DNM3: variants seen among roughly 807,000 people sequenced by gnomAD.
DNM3 encodes dynamin-3.
A neutral mutation model predicts 101.6 loss-of-function variants in DNM3; 47 were observed. The ratio of observed to expected loss-of-function variants is 0.46; its 90% CI spans 0.37 to 0.59. The LOEUF (loss-of-function observed/expected upper bound fraction) is 0.59. Ranked by LOEUF, DNM3 falls within the 20% of genes least tolerant of loss-of-function variation. The pLI, the probability that DNM3 is intolerant of heterozygous loss-of-function variation, is 0.00. For missense variants in DNM3, 849 were observed against 1,085.7 expected, an observed-to-expected ratio of 0.78 and a Z score of 3.06; for synonymous variants, 385 against 387.9, an observed-to-expected ratio of 0.99 and a Z score of 0.09.
rs530200508 is a variant in DNM3, at chr1:172,016,306, T to A, written c.590-16096T>A. On this transcript the variant is annotated intron_variant, in intron 4 of 20. Transcript: ENST00000627582. ...TTCTAGTTTGCTGAGATTTAAAAAATTATGAATTGGTATTGAATTTTGTCA... is the reference window on the plus strand; with the variant it reads ...TTCTAGTTTGCTGAGATTTAAAAAAATATGAATTGGTATTGAATTTTGTCA... Among the ~76,000 whole-genome samples the A allele has an allele frequency of 2.6e-5, 4 of 152,296 alleles. No individual in the cohort carries two copies. The South Asian group carries it at 6.2e-4, about 24-fold the overall frequency.
intron 16 of DNM3, among the ~76,000 whole-genome samples, chr1:172,321,684 A>C (rs2065725772): frequency 6.6e-6 from 1 of 152,166 alleles, no homozygotes; most frequent in African/African-American, 2.4e-5. Flanking sequence ...TCGAGTGGGG[A>C]AGCCAGTCAT....
intron 15 of DNM3, among the ~76,000 whole-genome samples, chr1:172,307,837 A>C (rs2064904191): frequency 6.6e-6 from 1 of 151,962 alleles, no homozygotes; most frequent in South Asian, 2.1e-4. Flanking sequence ...ATACTTGGAC[A>C]CAGGGTGGGG....
intron 11 of DNM3, among the ~76,000 whole-genome samples, chr1:172,079,715 A>C (rs1198379811): frequency 6.6e-6 from 1 of 151,936 alleles, no homozygotes; most frequent in Non-Finnish European, 1.5e-5. Flanking sequence ...GGTTTTTGGA[A>C]TTTTCAGCCT....
intron 14 of DNM3, among the ~76,000 whole-genome samples, chr1:172,131,539 G>C (rs935998851): frequency 1.3e-5 from 2 of 151,980 alleles, no homozygotes; most frequent in African/African-American, 4.8e-5. Flanking sequence ...AAGAAATGGA[G>C]GTAGGCATCA....
chr1:172,176,285 G>T (rs2059151586), intron 14 of DNM3, among the ~76,000 whole-genome samples: 1 of 151,766 alleles, frequency 6.6e-6, no homozygotes, highest in South Asian at 2.1e-4. Flanking sequence ...ATGAACTAAG[G>T]AATGTAGGTA....
intron 17 of DNM3, among the ~76,000 whole-genome samples, chr1:172,364,671 G>A (rs2067916503): frequency 6.6e-6 from 1 of 151,912 alleles, no homozygotes; most frequent in Non-Finnish European, 1.5e-5. Context: ...CATGTCAATT[G>A]TAATCCCCAA....
chr1:172,237,277 A>G (rs1470873332), intron 14 of DNM3, among the ~76,000 whole-genome samples: 1 of 151,978 alleles, frequency 6.6e-6, no homozygotes, highest in Non-Finnish European at 1.5e-5. Context: ...TTTGAACTTA[A>G]GGATTGAGGT....
At chr1:171,910,883 G>A (rs923626694) in intron 1 of DNM3, among the ~76,000 whole-genome samples, 4 of 152,110 alleles carry the variant, frequency 2.6e-5, no homozygotes, top group Non-Finnish European at 4.4e-5. Context: ...TAAATATGCC[G>A]GCATATCAGG....
chr1:171,930,840 A>G (rs971386171), intron 2 of DNM3, among the ~76,000 whole-genome samples: 10 of 152,200 alleles, frequency 6.6e-5, no homozygotes, highest in East Asian at 1.9e-4. Context: ...AGCTGATTCT[A>G]GTCGGCCATC....
chr1:172,330,732 G>A (rs1462370182), intron 17 of DNM3, among the ~76,000 whole-genome samples: 1 of 152,106 alleles, frequency 6.6e-6, no homozygotes, highest in East Asian at 1.9e-4. Flanking sequence ...AGAGGATGGT[G>A]AGAAAGAAAG....
chr1:171,894,971 C>A (rs892108166), intron 1 of DNM3, among the ~76,000 whole-genome samples: 3 of 152,146 alleles, frequency 2.0e-5, no homozygotes, highest in Non-Finnish European at 4.4e-5. Flanking sequence ...ATGAACTCAT[C>A]GTTTTATATG....
At chr1:171,880,644 G>A (rs1260164338) in intron 1 of DNM3, among the ~76,000 whole-genome samples, 1 of 152,012 alleles carries the variant, frequency 6.6e-6, no homozygotes, top group Non-Finnish European at 1.5e-5. Flanking sequence ...CTAACCCAAG[G>A]TTAGATAGAA....
intron 17 of DNM3, among the ~76,000 whole-genome samples, chr1:172,354,414 C>T (rs1435240203): frequency 6.6e-6 from 1 of 151,818 alleles, no homozygotes; most frequent in Non-Finnish European, 1.5e-5. Context: ...CTCCCCACTG[C>T]AAATAGCACC....
intron 14 of DNM3, among the ~76,000 whole-genome samples, chr1:172,244,294 T>C (rs1019652432): frequency 1.5e-4 from 23 of 152,124 alleles, no homozygotes; most frequent in African/African-American, 5.3e-4. Context: ...GTTCCAAGTC[T>C]TTGCTATCGT....
chr1:172,047,657 C>T (rs2049912292), intron 9 of DNM3, among the ~76,000 whole-genome samples: 2 of 152,038 alleles, frequency 1.3e-5, no homozygotes, highest in Non-Finnish European at 2.9e-5. Flanking sequence ...AGTATGATTA[C>T]TACAGTTAGA....
chr1:172,265,048 A>C (rs550637991), intron 15 of DNM3, among the ~76,000 whole-genome samples: 105 of 152,144 alleles, frequency 6.9e-4, no homozygotes, highest in Non-Finnish European at 1.4e-3. Context: ...TTTTAGTCTC[A>C]TTTTTTAAAG....
chr1:172,233,241 C>T (rs1474042134), intron 14 of DNM3, among the ~76,000 whole-genome samples: 4 of 152,156 alleles, frequency 2.6e-5, no homozygotes, highest in Non-Finnish European at 4.4e-5. Flanking sequence ...AAACTACCAT[C>T]AGAGAGTACT....
intron 10 of DNM3, among the ~76,000 whole-genome samples, chr1:172,051,085 A>G (rs2050175336): frequency 6.6e-6 from 1 of 152,222 alleles, no homozygotes; most frequent in African/African-American, 2.4e-5. Context: ...TTAGTTAAAC[A>G]CAAAATCTAG....
At chr1:172,296,852 T>C (rs1279043758) in intron 15 of DNM3, among the ~76,000 whole-genome samples, 1 of 152,204 alleles carries the variant, frequency 6.6e-6, no homozygotes, top group Non-Finnish European at 1.5e-5. Context: ...CTTTTAAACA[T>C]AGCATCTTGG....
Sources: gnomAD v4.1 joint callset for allele counts (sites outside exome capture counted in the v4.1 genomes callset) on GRCh38, gnomAD v4.1.1 for gene constraint, MANE v1.5 for transcripts, NCBI Gene and HGNC (gene_info 2026-07-23, HGNC 2026-07-21) for gene names.